Variants in SEZ6L observed in about 807,000 individuals in gnomAD.
SEZ6L encodes the protein seizure 6-like protein.
A neutral mutation model predicts 106.2 loss-of-function variants in SEZ6L; 37 were observed. The ratio of observed to expected loss-of-function variants is 0.35; its 90% CI spans 0.27 to 0.46. The LOEUF is 0.46. SEZ6L is among the 20% of genes least tolerant of loss of function. SEZ6L has a pLI of 1.00. For missense variants in SEZ6L, 1,172 were observed against 1,332.8 expected (o/e 0.88, Z 1.88); for synonymous variants, 541 against 570.4 (o/e 0.95, Z 0.73).
At chr22:26,244,822 G>A (rs1231333024) in intron 1 of SEZ6L, 2 of 152,228 alleles carry the variant, frequency 1.3e-5, no homozygotes, top group African/African-American at 4.8e-5. Flanking sequence ...AAGGCTGTAG[G>A]GATCCCTCTG....
chr22:26,335,245 G>T (rs574972440), intron 9 of SEZ6L, among the ~76,000 whole-genome samples: 11 of 152,358 alleles, frequency 7.2e-5, no homozygotes, highest in Non-Finnish European at 1.5e-4. Context: ...GAGGCAGAGA[G>T]TAACTTGATT....
intron 9 of SEZ6L, among the ~76,000 whole-genome samples, chr22:26,317,879 C>T (rs1056983828): frequency 6.6e-6 from 1 of 152,050 alleles, no homozygotes; most frequent in Non-Finnish European, 1.5e-5. Flanking sequence ...GCCTCAGATT[C>T]CTCCTCTGCA....
At chr22:26,274,425 C>T (rs1217224852) in intron 1 of SEZ6L, among the ~76,000 whole-genome samples, 5 of 152,160 alleles carry the variant, frequency 3.3e-5, no homozygotes, top group Admixed American at 1.3e-4. Context: ...CACCATTGGC[C>T]TTCATCATCA....
At chr22:26,316,718 G>A (rs2082006680) in intron 9 of SEZ6L, among the ~76,000 whole-genome samples, 3 of 151,976 alleles carry the variant, frequency 2.0e-5, no homozygotes, top group Admixed American at 6.6e-5. Context: ...TGTAATCTCA[G>A]CTATTTGGGA....
chr22:26,331,775 G>A (rs1054137245), intron 9 of SEZ6L, among the ~76,000 whole-genome samples: 2 of 152,150 alleles, frequency 1.3e-5, no homozygotes, highest in African/African-American at 4.8e-5. Context: ...CTGAGGTCAG[G>A]AGTTTGAGAA....
At position 26,213,188 on chromosome 22, in the gene SEZ6L, T is replaced by C. The variant is rs16981533; in HGVS notation, c.94+43425T>C. Reference sequence around the variant, plus strand: ...TCTTCTCCCTGACCCCCAGGTTTTCTTTTAAAGCAAAATACCTGCTTCATC... The same window carrying C: ...TCTTCTCCCTGACCCCCAGGTTTTCCTTTAAAGCAAAATACCTGCTTCATC... On this transcript the variant is annotated intron_variant, in intron 1 of 16. Coordinates refer to ENST00000248933, the MANE Select transcript of SEZ6L (RefSeq NM_021115.5). Among the ~76,000 whole-genome samples the C allele has an allele frequency of 3.3e-3, 510 of 152,332 alleles. 12 individuals are homozygous for C. The South Asian group carries it at 0.066, about 20-fold the overall frequency.
chr22:26,235,295 C>T (rs1053522561), intron 1 of SEZ6L, among the ~76,000 whole-genome samples: 2 of 152,206 alleles, frequency 1.3e-5, no homozygotes, highest in Admixed American at 6.5e-5. Context: ...ACATGTCCCT[C>T]TGGGAACAAA....
At chr22:26,326,706 C>T (rs2082315345) in intron 9 of SEZ6L, among the ~76,000 whole-genome samples, 1 of 152,316 alleles carries the variant, frequency 6.6e-6, no homozygotes, top group South Asian at 2.1e-4. Flanking sequence ...GCCAGCCTCC[C>T]TTGAGAGCTG....
At chr22:26,322,473 T>G (rs992099898) in intron 9 of SEZ6L, among the ~76,000 whole-genome samples, 2 of 152,058 alleles carry the variant, frequency 1.3e-5, no homozygotes, top group African/African-American at 4.8e-5. Flanking sequence ...GTAAGCAAAG[T>G]CCTGTGGCTT....
chr22:26,325,325 A>C (rs2082274956), intron 9 of SEZ6L, among the ~76,000 whole-genome samples: 1 of 152,168 alleles, frequency 6.6e-6, no homozygotes, highest in African/African-American at 2.4e-5. Flanking sequence ...GGAGATTAGA[A>C]CTCAGGTCTC....
At chr22:26,308,667 GA>G (rs5844685) in intron 6 of SEZ6L, among the ~76,000 whole-genome samples, 70,678 of 151,610 alleles carry the variant, frequency 0.47, 17,760 homozygotes, top group African/African-American at 0.63. Context: ...GTCCTGCAGG[GA>G]AAAAAAAGTT....
intron 1 of SEZ6L, among the ~76,000 whole-genome samples, chr22:26,240,037 A>G (rs969449767): frequency 6.7e-6 from 1 of 150,222 alleles, no homozygotes; most frequent in African/African-American, 2.5e-5. Context: ...CTTTCTGTGT[A>G]TCCCCTCAAC....
intron 1 of SEZ6L, among the ~76,000 whole-genome samples, chr22:26,273,958 G>A (rs117159497): frequency 4.6e-5 from 7 of 152,262 alleles, no homozygotes; most frequent in East Asian, 3.9e-4. Context: ...GAGCAGGGGC[G>A]ATAAGCAGAC....
At chr22:26,187,062 C>A (rs1939831432) in intron 1 of SEZ6L, among the ~76,000 whole-genome samples, 1 of 152,136 alleles carries the variant, frequency 6.6e-6, no homozygotes, top group Admixed American at 6.6e-5. Flanking sequence ...AGGTTAGGGA[C>A]AATTTGTGTA....
chr22:26,218,834 G>A (rs562332315), intron 1 of SEZ6L, among the ~76,000 whole-genome samples: 1 of 152,302 alleles, frequency 6.6e-6, no homozygotes, highest in East Asian at 1.9e-4. Context: ...CTACTTGGGA[G>A]GCTGAGGCAG....
chr22:26,313,977 T>TTCTTTCAACCAA, intron 9 of SEZ6L, 75 bp downstream of exon 9: 1 of 1,473,638 alleles, frequency 6.8e-7, no homozygotes. Context: ...TCCTGCTTTA[T>TTCTTTCAACCAA]TCTTTCAACC....
chr22:26,287,457 A>G lies in SEZ6L; in HGVS notation c.95-4949A>G, dbSNP rs550960809. On this transcript the variant is annotated intron_variant, in intron 1 of 16. Coordinates refer to ENST00000248933, the MANE Select transcript of SEZ6L (RefSeq NM_021115.5). ...CTGTACGTGATAAAGGAAGAATCAG[A>G]TAAATGTGACTATCATGATAGAAAA... Among the ~76,000 whole-genome samples the G allele has an allele frequency of 1.5e-3, 235 of 152,372 alleles. 2 individuals carry two copies. The highest frequency in any genetic ancestry group is 5.5e-3 in the African/African-American group (227 of 41,592).
intron 1 of SEZ6L, among the ~76,000 whole-genome samples, chr22:26,211,007 T>G (rs537142640): frequency 2.0e-5 from 3 of 152,190 alleles, no homozygotes; most frequent in Non-Finnish European, 4.4e-5. Context: ...TTATATACTA[T>G]GGACCTATCA....
intron 4 of SEZ6L, among the ~76,000 whole-genome samples, chr22:26,297,814 T>C (rs550800400): frequency 6.6e-6 from 1 of 151,460 alleles, no homozygotes; most frequent in South Asian, 2.1e-4. Context: ...CTTTCCACCC[T>C]CTATTTTCCC....
Sources: gnomAD v4.1 joint callset for allele counts (sites outside exome capture counted in the v4.1 genomes callset) on GRCh38, gnomAD v4.1.1 for gene constraint, MANE v1.5 for transcripts, NCBI Gene and HGNC (gene_info 2026-07-23, HGNC 2026-07-21) for gene names.